The following ANKRD22 variants were observed in gnomAD, a reference collection of about 807,000 sequenced individuals.
ANKRD22 encodes the protein ankyrin repeat domain-containing protein 22.
In ANKRD22, 24 loss-of-function variants were observed where a neutral mutation model predicts 25.7. That is an observed-to-expected ratio of 0.93 (90% CI 0.68 to 1.31). ANKRD22 has a LOEUF of 1.31. ANKRD22 is among the 50% of genes most tolerant of loss of function. The pLI is 0.00. For synonymous variants in ANKRD22, 84 were observed against 84.3 expected, an observed-to-expected ratio of 1.00 and a Z score of 0.02; for missense variants, 214 against 227.1, an observed-to-expected ratio of 0.94 and a Z score of 0.37.
intron 1 of ANKRD22, among the ~76,000 whole-genome samples, chr10:88,846,212 A>G (rs111776483): frequency 2.0e-5 from 3 of 152,192 alleles, no homozygotes; most frequent in African/African-American, 7.2e-5. Context: ...CTTACTGAAC[A>G]TAGTTGCAGG....
intron 3 of ANKRD22, among the ~76,000 whole-genome samples, chr10:88,827,546 T>C (rs11202865): frequency 0.29 from 44,139 of 152,122 alleles, 6,515 homozygotes; most frequent in East Asian, 0.36. Context: ...ATTTAAATGC[T>C]ATGTGCTAAA....
In ANKRD22 at chr10:88,821,586, A is replaced by G. The variant is rs921309292; in HGVS notation, c.*1355T>C. Among the ~76,000 whole-genome samples, 1 of 152,232 alleles carries G rather than the reference A, an allele frequency of 6.6e-6. No individual in the cohort carries two copies. Among genetic ancestry groups the G allele is most frequent in the Non-Finnish European group, 1.5e-5 (1 of 68,032 alleles). ...GCTCAATGCCAGTGAATCTTAATTTATTAAGACACGTTTAAAGACTTCAGA... is the reference window on the plus strand; with the variant it reads ...GCTCAATGCCAGTGAATCTTAATTTGTTAAGACACGTTTAAAGACTTCAGA... On this transcript the variant is annotated 3_prime_UTR_variant, in exon 6 of 6. Coordinates refer to ENST00000371930, the MANE Select transcript of ANKRD22 (RefSeq NM_144590.3).
At chr10:88,837,144 A>C (rs1843961604) in intron 1 of ANKRD22, among the ~76,000 whole-genome samples, 1 of 152,190 alleles carries the variant, frequency 6.6e-6, no homozygotes, top group South Asian at 2.1e-4. Flanking sequence ...CAGGCTCTGG[A>C]AACAAACTCT....
Position 88,821,102 on chromosome 10 carries a change from T to C in ANKRD22, c.*1839A>G, listed in dbSNP as rs766060573. On this transcript the variant is annotated 3_prime_UTR_variant, in exon 6 of 6. Transcript: ENST00000371930. ...GGATGTTTATGAGTTCTCCAATAAA[T>C]GCATTCTGCATTACATAAAGCATGT... Among the ~76,000 whole-genome samples, 7 of 152,250 alleles carry C rather than the reference T, an allele frequency of 4.6e-5. No homozygotes were observed. The highest frequency in any genetic ancestry group is 2.0e-4 in the Admixed American group (3 of 15,292).
At chr10:88,848,043 G>A (rs1248259032) in intron 1 of ANKRD22, among the ~76,000 whole-genome samples, 1 of 151,768 alleles carries the variant, frequency 6.6e-6, no homozygotes, top group Non-Finnish European at 1.5e-5. Flanking sequence ...ATCACATGAG[G>A]TCAAGTAGGA....
intron 2 of ANKRD22, among the ~76,000 whole-genome samples, chr10:88,830,949 G>A (rs983699833): frequency 3.9e-5 from 6 of 152,058 alleles, no homozygotes; most frequent in South Asian, 4.1e-4. Context: ...GCTTTTAATC[G>A]CAACCAAACC....
At chr10:88,836,904 G>C (rs1020833370) in intron 1 of ANKRD22, among the ~76,000 whole-genome samples, 4 of 152,186 alleles carry the variant, frequency 2.6e-5, no homozygotes, top group African/African-American at 9.7e-5. Context: ...ATCATTAGCA[G>C]CCATGCAGAG....
intron 1 of ANKRD22, among the ~76,000 whole-genome samples, chr10:88,849,092 C>T (rs911553702): frequency 6.6e-6 from 1 of 151,914 alleles, no homozygotes; most frequent in African/African-American, 2.4e-5. Flanking sequence ...TAAAGGAATA[C>T]ATCATTTAAG....
rs1043122485 is a variant in ANKRD22 at position 88,828,813 on chromosome 10, T to C, written c.214-147A>G. On this transcript the variant is annotated intron_variant, in intron 2 of 5. Coordinates refer to ENST00000371930, the MANE Select transcript of ANKRD22 (RefSeq NM_144590.3). The stretch of plus-strand genomic sequence containing the variant: ...CTGTGGGATACATCTGATTACTGAA[T>C]GCGGCTTTCCATGGAGCAGAACAGA... 1.6e-5 allele frequency: 10 copies of C among 627,746 alleles called. No homozygotes were observed. The Admixed American group carries it at 2.1e-4, about 13-fold the overall frequency. 38.9% of individuals were successfully genotyped at this position (627,746 alleles called of 1,614,324 possible).
At position 88,837,735 on chromosome 10, in the gene ANKRD22, A is replaced by G. The variant is rs138704242; in HGVS notation, c.22-5709T>C. On this transcript the variant is annotated intron_variant, in intron 1 of 5. Transcript: ENST00000371930. ...TTCCCACATGTCATGGGAGGGACCC[A>G]GTGGGAAGTAATTGAATCATAGGGG... is the stretch of plus-strand genomic sequence containing the variant. 6.1e-3 allele frequency among the ~76,000 whole-genome samples: 934 copies of G among 152,300 alleles called. 10 individuals carry two copies. The highest frequency in any genetic ancestry group is 0.021 in the African/African-American group (862 of 41,574).
intron 1 of ANKRD22, among the ~76,000 whole-genome samples, chr10:88,836,661 A>G (rs1189497328): frequency 6.6e-6 from 1 of 152,186 alleles, no homozygotes; most frequent in East Asian, 1.9e-4. Flanking sequence ...TTTGTGTCCA[A>G]AATTAAGCTA....
chr10:88,847,569 A>G (rs1180610972), intron 1 of ANKRD22, among the ~76,000 whole-genome samples: 2 of 151,770 alleles, frequency 1.3e-5, no homozygotes, highest in African/African-American at 4.8e-5. Context: ...TCAACACCAT[A>G]CTCTTCTATC....
intron 1 of ANKRD22, among the ~76,000 whole-genome samples, chr10:88,840,317 T>C (rs1843992785): frequency 6.6e-6 from 1 of 152,198 alleles, no homozygotes; most frequent in South Asian, 2.1e-4. Context: ...TAACTGTATG[T>C]ATTACTTAAT....
intron 1 of ANKRD22, among the ~76,000 whole-genome samples, chr10:88,839,117 T>C (rs1205626289): frequency 6.6e-6 from 1 of 152,188 alleles, no homozygotes; most frequent in Non-Finnish European, 1.5e-5. Flanking sequence ...GGTTCATTTC[T>C]GTCTTCTGGC....
chr10:88,820,671 A>G lies in ANKRD22; in HGVS notation c.*2270T>C. The G allele has an allele frequency of 1.5e-6, 1 of 653,930 alleles. No individual in the cohort carries two copies. The highest frequency in any genetic ancestry group is 2.6e-6 in the Non-Finnish European group (1 of 391,264). 40.5% of individuals were successfully genotyped at this position (653,930 alleles called of 1,614,324 possible). ...TTTTTTTCTGTAAATTAAAGTACTT[A>G]TTAGGTAAATAGAGGTTTTGTATGC... On this transcript the variant is annotated 3_prime_UTR_variant, in exon 6 of 6. Coordinates refer to ENST00000371930, the MANE Select transcript of ANKRD22 (RefSeq NM_144590.3).
In ANKRD22 at chr10:88,826,190, C is replaced by G; in HGVS notation, c.322-75G>C. 3.2e-6 allele frequency: 4 copies of G among 1,245,412 alleles called. No individual in the cohort carries two copies. In the East Asian group the frequency reaches 9.4e-5, roughly 29 times the overall value. 77.1% of individuals were successfully genotyped at this position (1,245,412 alleles called of 1,614,324 possible). A position where few individuals can be genotyped will look rare whatever the true frequency, so the allele number is the denominator to read the frequency against. The stretch of plus-strand genomic sequence containing the variant: ...CAATTTATGCCTGAGACTATTTAAT[C>G]AATAGGCTTCATTTTAATCCCAACA... On this transcript the variant is annotated intron_variant, in intron 3 of 5. Transcript: ENST00000371930.
At chr10:88,831,799 G>C in intron 2 of ANKRD22, 36 bp downstream of exon 2, 1 of 1,519,048 alleles carries the variant, frequency 6.6e-7, no homozygotes, top group Non-Finnish European at 8.8e-7. Flanking sequence ...GAATTATCAT[G>C]AACAATTACA....
In ANKRD22 at chr10:88,820,189, G is replaced by T; in HGVS notation, c.*2752C>A. The T allele has an allele frequency of 6.8e-7, 1 of 1,473,370 alleles. No individual in the cohort carries two copies. The allele number at this position is 1,473,370 out of a possible 1,614,324, so 91.3% of individuals were successfully genotyped here. A position where few individuals can be genotyped will look rare whatever the true frequency, so the allele number is the denominator to read the frequency against. ...TGAAACATAAATTATGAGCCTGAAA[G>T]TCCAAATGTTACCTAGAGTTAAGAA... On this transcript the variant is annotated 3_prime_UTR_variant, in exon 6 of 6. Coordinates refer to ENST00000371930, the MANE Select transcript of ANKRD22 (RefSeq NM_144590.3).
In ANKRD22 at chr10:88,844,740, T is replaced by TA. The variant is rs985136246; in HGVS notation, c.21+6846dup. On this transcript the variant is annotated intron_variant, in intron 1 of 5. Transcript: ENST00000371930. ...TACAAGTGGGATTTCCTTAGTTGAT[T>TA]AAAAAAAAGCCACAATTTTTCTAGC... Among the ~76,000 whole-genome samples the TA allele has an allele frequency of 8.6e-5, 13 of 151,958 alleles. No individual in the cohort carries two copies. In the East Asian group the frequency reaches 9.7e-4, roughly 11 times the overall value.
Sources: gnomAD v4.1 joint callset for allele counts (sites outside exome capture counted in the v4.1 genomes callset) on GRCh38, gnomAD v4.1.1 for gene constraint, MANE v1.5 for transcripts, NCBI Gene and HGNC (gene_info 2026-07-23, HGNC 2026-07-21) for gene names.